Variants in BABAM2 observed in about 807,000 individuals in gnomAD.
BABAM2 encodes the protein BRISC and BRCA1-A complex member 2.
Under a neutral mutation model 54.7 loss-of-function variants are expected in BABAM2, and 31 were observed. The ratio of observed to expected loss-of-function variants is 0.57; its 90% CI spans 0.43 to 0.77. The LOEUF is 0.77. Among genes scored for constraint, BABAM2 ranks in the 30% least tolerant of loss-of-function variants. The pLI is 0.00. For synonymous variants in BABAM2, 167 were observed against 162.9 expected, an observed-to-expected ratio of 1.03 and a Z score of -0.19; for missense variants, 364 against 455.8, an observed-to-expected ratio of 0.80 and a Z score of 1.83.
chr2:27,909,819 T>C (rs563759133), intron 2 of BABAM2, among the ~76,000 whole-genome samples: 4 of 152,366 alleles, frequency 2.6e-5, no homozygotes, highest in African/African-American at 9.6e-5. Flanking sequence ...CTCATTGTTA[T>C]GATTATGGTA....
At chr2:28,333,884 T>C (rs1691182143) in intron 11 of BABAM2, among the ~76,000 whole-genome samples, 1 of 152,256 alleles carries the variant, frequency 6.6e-6, no homozygotes, top group African/African-American at 2.4e-5. Context: ...AGATGACAGA[T>C]ACCTCTTGCC....
chr2:28,233,045 T>G (rs1681562909), intron 7 of BABAM2: 1 of 329,850 alleles, frequency 3.0e-6, no homozygotes. Context: ...GTTTCAGTTC[T>G]AAGAATGATC....
rs1558667378 is a variant in BABAM2, at chr2:28,026,877, T to TATAGATATATATAA, written c.495+1460_495+1461insGATATATATAAATA. On this transcript the variant is annotated intron_variant, in intron 5 of 11. Transcript: ENST00000379624. ...TTATATATATAGATATATATATTTATATATATATAGATATATATAAATATA... is the reference window on the plus strand; with the variant it reads ...TTATATATATAGATATATATATTTATATAGATATATATAAATATATATAGATATATATAAATATA... Among the ~76,000 whole-genome samples the TATAGATATATATAA allele has an allele frequency of 2.2e-3, 110 of 50,818 alleles. 2 individuals are homozygous for TATAGATATATATAA. Among genetic ancestry groups the TATAGATATATATAA allele is most frequent in the Non-Finnish European group, 3.0e-3 (79 of 26,420 alleles). 33.3% of individuals were successfully genotyped at this position (50,818 alleles called of 152,430 possible).
At chr2:28,313,352 G>A (rs374407987) in intron 11 of BABAM2, among the ~76,000 whole-genome samples, 1 of 152,232 alleles carries the variant, frequency 6.6e-6, no homozygotes, top group East Asian at 1.9e-4. Flanking sequence ...AAGCAGCAGG[G>A]AGGCTGCACA....
chr2:27,894,512 A>T (rs777021657), intron 1 of BABAM2, 21 bp from the exon 2 acceptor site: 43 of 1,609,392 alleles, frequency 2.7e-5, no homozygotes, highest in Non-Finnish European at 3.4e-5. Context: ...CCTGATCATT[A>T]TTCTTTCCTT....
intron 6 of BABAM2, among the ~76,000 whole-genome samples, chr2:28,083,656 G>A (rs1159078822): frequency 6.6e-6 from 1 of 151,974 alleles, no homozygotes; most frequent in Non-Finnish European, 1.5e-5. Context: ...TGCTGTGTAT[G>A]TACTATCATT....
At chr2:28,132,016 G>C (rs1670117687) in intron 7 of BABAM2, among the ~76,000 whole-genome samples, 1 of 152,082 alleles carries the variant, frequency 6.6e-6, no homozygotes. Flanking sequence ...TAATGAAATA[G>C]TCTCACTCTA....
intron 5 of BABAM2, among the ~76,000 whole-genome samples, chr2:28,031,189 T>G (rs1436576563): frequency 6.6e-6 from 1 of 152,184 alleles, no homozygotes; most frequent in African/African-American, 2.4e-5. Context: ...GGTCATTCTC[T>G]CTTAGGATTC....
intron 7 of BABAM2, among the ~76,000 whole-genome samples, chr2:28,189,631 A>T (rs1003979688): frequency 6.6e-6 from 1 of 152,208 alleles, no homozygotes; most frequent in African/African-American, 2.4e-5. Context: ...ATTAAAGAAG[A>T]CCTAAATAAA....
intron 4 of BABAM2, among the ~76,000 whole-genome samples, chr2:28,021,891 G>A (rs1479277861): frequency 1.3e-5 from 2 of 151,868 alleles, no homozygotes; most frequent in Non-Finnish European, 2.9e-5. Flanking sequence ...AGACTACATT[G>A]TTTCTCAGTG....
intron 10 of BABAM2, among the ~76,000 whole-genome samples, chr2:28,282,111 T>G (rs1686409199): frequency 6.6e-6 from 1 of 152,026 alleles, no homozygotes; most frequent in Admixed American, 6.5e-5. Flanking sequence ...AAGTAGCAGA[T>G]CAATACAGTG....
intron 11 of BABAM2, among the ~76,000 whole-genome samples, chr2:28,318,435 A>G (rs1042739469): frequency 6.6e-6 from 1 of 152,186 alleles, no homozygotes; most frequent in African/African-American, 2.4e-5. Context: ...GAAGCTGCAA[A>G]TATTGATTAT....
chr2:28,152,612 G>A (rs1057253743), intron 7 of BABAM2, among the ~76,000 whole-genome samples: 4 of 152,166 alleles, frequency 2.6e-5, no homozygotes, highest in Non-Finnish European at 5.9e-5. Context: ...AGCTCAGGAT[G>A]AATGACACTG....
chr2:28,106,358 C>T (rs990280100), intron 6 of BABAM2, among the ~76,000 whole-genome samples: 4 of 152,114 alleles, frequency 2.6e-5, no homozygotes, highest in South Asian at 2.1e-4. Context: ...TGAGCTCAAG[C>T]GCTCCTCCCA....
At chr2:27,983,941 C>CTTTTTTTT (rs1672197160) in intron 3 of BABAM2, among the ~76,000 whole-genome samples, 1 of 7,664 alleles carries the variant, frequency 1.3e-4, no homozygotes, top group South Asian at 5.8e-3. Context: ...ACATTTTGTA[C>CTTTTTTTT]CTTTTTTTTT....
intron 6 of BABAM2, among the ~76,000 whole-genome samples, chr2:28,122,850 AT>A (rs142765274): frequency 0.11 from 16,521 of 152,158 alleles, 1,380 homozygotes; most frequent in African/African-American, 0.23. Context: ...TAAATGAACC[AT>A]TATGATCTAA....
At chr2:27,923,483 G>T (rs1215653559) in intron 2 of BABAM2, among the ~76,000 whole-genome samples, 1 of 152,006 alleles carries the variant, frequency 6.6e-6, no homozygotes, top group Non-Finnish European at 1.5e-5. Flanking sequence ...AGCTGAGTGT[G>T]GTGGTGCACC....
chr2:28,040,291 A>ATTTTTTTTTTTTTTTTTTTT (rs1204898070), intron 5 of BABAM2, among the ~76,000 whole-genome samples: 3 of 97,240 alleles, frequency 3.1e-5, no homozygotes, highest in Non-Finnish European at 6.4e-5. Flanking sequence ...GAAAAACTGA[A>ATTTTTTTTTTTTTTTTTTTT]TTCTTTTTTT....
At chr2:28,198,031 C>A (rs1456547693) in intron 7 of BABAM2, among the ~76,000 whole-genome samples, 1 of 152,088 alleles carries the variant, frequency 6.6e-6, no homozygotes, top group Non-Finnish European at 1.5e-5. Flanking sequence ...ATTGCAATAG[C>A]CTCCATGTAA....
Sources: gnomAD v4.1 joint callset for allele counts (sites outside exome capture counted in the v4.1 genomes callset) on GRCh38, gnomAD v4.1.1 for gene constraint, MANE v1.5 for transcripts, NCBI Gene and HGNC (gene_info 2026-07-23, HGNC 2026-07-21) for gene names.